Variants in IL1RAPL2 observed in about 807,000 individuals in gnomAD.
The protein encoded by IL1RAPL2 is interleukin 1 receptor accessory protein like 2, also known as X-linked interleukin-1 receptor accessory protein-like 2.
Under a neutral mutation model 44.1 loss-of-function variants are expected in IL1RAPL2, and 3 were observed. The observed-to-expected ratio is 0.07, with a 90% CI of 0.03 to 0.18. IL1RAPL2 has a LOEUF of 0.18. Among genes scored for constraint, IL1RAPL2 ranks in the 10% least tolerant of loss-of-function variants. The pLI is 1.00. For missense variants in IL1RAPL2, 391 were observed against 496.4 expected, an observed-to-expected ratio of 0.79 and a Z score of 2.02; for synonymous variants, 181 against 178.8, an observed-to-expected ratio of 1.01 and a Z score of -0.10.
chrX:105,589,424 A>G (rs773831283), intron 6 of IL1RAPL2, among the ~76,000 whole-genome samples: 79 of 111,103 alleles, frequency 7.1e-4, no homozygotes, highest in Non-Finnish European at 1.3e-3. Context: ...TTTTGTTGCA[A>G]TTGCTTTTGT....
At chrX:105,473,948 A>G in intron 5 of IL1RAPL2, among the ~76,000 whole-genome samples, 1 of 111,644 alleles carries the variant, frequency 9.0e-6, no homozygotes, top group Non-Finnish European at 1.9e-5. Context: ...TTCTTGTGGC[A>G]TGGTAGTAGG....
At chrX:104,617,038 C>T (rs1203072572) in intron 1 of IL1RAPL2, among the ~76,000 whole-genome samples, 1 of 112,072 alleles carries the variant, frequency 8.9e-6, no homozygotes, top group East Asian at 2.8e-4. Context: ...TGCCAATGTC[C>T]TGAATGGTAT....
At chrX:104,998,755 A>T (rs1334553814) in intron 2 of IL1RAPL2, among the ~76,000 whole-genome samples, 1 of 110,637 alleles carries the variant, frequency 9.0e-6, no homozygotes, top group Non-Finnish European at 1.9e-5. Context: ...TGACAGAGTG[A>T]GACCCCCATC....
At chrX:104,951,408 T>G (rs997027643) in intron 2 of IL1RAPL2, among the ~76,000 whole-genome samples, 1 of 112,166 alleles carries the variant, frequency 8.9e-6, no homozygotes, top group Non-Finnish European at 1.9e-5. Context: ...AATTTTGAGA[T>G]TCTATTTTTT....
In IL1RAPL2 at chrX:105,497,403, A is replaced by G. The variant is rs1215519015; in HGVS notation, c.772+13016A>G. ...TATTGAATCAGTAATAAAACCCCCC[A>G]ACAAAGAAGATCCCAGGACCAGATG... On this transcript the variant is annotated intron_variant, in intron 6 of 10. Coordinates refer to ENST00000372582, the MANE Select transcript of IL1RAPL2 (RefSeq NM_017416.2). Among the ~76,000 whole-genome samples the G allele has an allele frequency of 4.5e-5, 5 of 111,529 alleles. No individual in the cohort carries two copies. In the South Asian group the frequency reaches 1.9e-3, roughly 42 times the overall value.
chrX:105,168,683 A>G (rs1177238668), intron 2 of IL1RAPL2, among the ~76,000 whole-genome samples: 1 of 109,360 alleles, frequency 9.1e-6, no homozygotes, highest in Non-Finnish European at 1.9e-5. Flanking sequence ...TGAAGGCAGG[A>G]AAAAAAAAGA....
chrX:105,110,298 T>G (rs1378809788), intron 2 of IL1RAPL2, among the ~76,000 whole-genome samples: 1 of 112,399 alleles, frequency 8.9e-6, no homozygotes, highest in East Asian at 2.8e-4. Context: ...ACTTGTATTT[T>G]CTGCCACAAG....
intron 2 of IL1RAPL2, among the ~76,000 whole-genome samples, chrX:104,716,946 A>G (rs759342039): frequency 8.9e-5 from 10 of 111,964 alleles, no homozygotes; most frequent in Non-Finnish European, 1.3e-4. Flanking sequence ...AATAGAAATC[A>G]TTCTGTTATA....
chrX:104,835,005 G>A (rs5962986), intron 2 of IL1RAPL2, among the ~76,000 whole-genome samples: 4 of 111,647 alleles, frequency 3.6e-5, no homozygotes, highest in South Asian at 3.7e-4. Flanking sequence ...AAATTAAGTC[G>A]AAAATCAATC....
intron 2 of IL1RAPL2, among the ~76,000 whole-genome samples, chrX:104,896,810 G>A (rs1230923466): frequency 3.6e-5 from 4 of 111,303 alleles, no homozygotes; most frequent in Non-Finnish European, 5.6e-5. Flanking sequence ...TTTATGAGCT[G>A]TAACACTCAC....
intron 5 of IL1RAPL2, among the ~76,000 whole-genome samples, chrX:105,342,960 G>A (rs1240678901): frequency 9.0e-6 from 1 of 111,078 alleles, no homozygotes; most frequent in Admixed American, 9.7e-5. Context: ...CATATATCAT[G>A]TTTTATCTTA....
chrX:104,632,656 T>C (rs1340138575), intron 1 of IL1RAPL2, among the ~76,000 whole-genome samples: 22 of 107,574 alleles, frequency 2.0e-4, no homozygotes, highest in African/African-American at 7.1e-4. Flanking sequence ...CTGTTATTGG[T>C]GTATAAGAAT....
intron 2 of IL1RAPL2, among the ~76,000 whole-genome samples, chrX:104,660,744 C>G (rs1300416454): frequency 9.4e-6 from 1 of 106,600 alleles, no homozygotes; most frequent in Non-Finnish European, 1.9e-5. Context: ...TGAGACCAGC[C>G]TGGGTAACAT....
intron 2 of IL1RAPL2, among the ~76,000 whole-genome samples, chrX:104,790,936 A>G (rs1438685008): frequency 8.9e-6 from 1 of 111,858 alleles, no homozygotes; most frequent in Non-Finnish European, 1.9e-5. Context: ...GTCACAATTT[A>G]TTGCATAATG....
At chrX:104,653,078 A>G (rs1220036177) in intron 1 of IL1RAPL2, among the ~76,000 whole-genome samples, 4 of 110,807 alleles carry the variant, frequency 3.6e-5, no homozygotes, top group Non-Finnish European at 5.7e-5. Flanking sequence ...CTAGCTGTCT[A>G]TGGGCACTAT....
intron 2 of IL1RAPL2, among the ~76,000 whole-genome samples, chrX:104,979,468 T>C (rs2030397545): frequency 9.0e-6 from 1 of 111,643 alleles, no homozygotes; most frequent in African/African-American, 3.2e-5. Flanking sequence ...TTAAAAATTC[T>C]ACACAGAACA....
chrX:105,467,685 G>A (rs751863411), intron 5 of IL1RAPL2, among the ~76,000 whole-genome samples: 4 of 111,402 alleles, frequency 3.6e-5, no homozygotes, highest in African/African-American at 1.3e-4. Context: ...CCAAATTTAC[G>A]AGATGGCCTA....
At chrX:105,288,550 T>C (rs1431626182) in intron 5 of IL1RAPL2, among the ~76,000 whole-genome samples, 1 of 111,898 alleles carries the variant, frequency 8.9e-6, no homozygotes, top group African/African-American at 3.2e-5. Context: ...CCCATTTTTT[T>C]ATTGTTTTAT....
chrX:104,823,470 G>A lies in IL1RAPL2; in HGVS notation c.82+164475G>A, dbSNP rs369481436. Among the ~76,000 whole-genome samples, 8 of 109,526 alleles carry A rather than the reference G, an allele frequency of 7.3e-5. No individual in the cohort carries two copies. The South Asian group carries it at 1.2e-3, about 17-fold the overall frequency. ...CTGCATAGTATTCCATGGTGTATAT[G>A]TGCCACATTTTCTTAATCCAGTCTA... On this transcript the variant is annotated intron_variant, in intron 2 of 10. Coordinates refer to ENST00000372582, the MANE Select transcript of IL1RAPL2 (RefSeq NM_017416.2).
Sources: gnomAD v4.1 joint callset for allele counts (sites outside exome capture counted in the v4.1 genomes callset) on GRCh38, gnomAD v4.1.1 for gene constraint, MANE v1.5 for transcripts, NCBI Gene and HGNC (gene_info 2026-07-23, HGNC 2026-07-21) for gene names.